CACNA2D3: variants seen among roughly 807,000 people sequenced by gnomAD.
CACNA2D3 encodes voltage-dependent calcium channel subunit alpha-2/delta-3.
Under a neutral mutation model 160.6 loss-of-function variants are expected in CACNA2D3, and 60 were observed. That is an observed-to-expected ratio of 0.37 (90% CI 0.30 to 0.46). The LOEUF (loss-of-function observed/expected upper bound fraction) is 0.46. Ranked by LOEUF, CACNA2D3 falls within the 20% of genes least tolerant of loss-of-function variation. The pLI, the probability that CACNA2D3 is intolerant of heterozygous loss-of-function variation, is 1.00. For synonymous variants in CACNA2D3, 558 were observed against 492.9 expected (o/e 1.13, Z -1.75); for missense variants, 1,205 against 1,365.0 (o/e 0.88, Z 1.85).
chr3:54,172,987 G>A (rs537211795), intron 2 of CACNA2D3, among the ~76,000 whole-genome samples: 1 of 152,294 alleles, frequency 6.6e-6, no homozygotes, highest in South Asian at 2.1e-4. Context: ...GCCCAGAACT[G>A]TCCCAGTTTT....
chr3:54,928,696 CCCCACACCCCA>C (rs1165504150), intron 27 of CACNA2D3, among the ~76,000 whole-genome samples: 1 of 151,980 alleles, frequency 6.6e-6, no homozygotes. Flanking sequence ...TGCTTGCTGC[CCCCACACCCCA>C]CCCACTCCCC....
At chr3:55,023,680 A>G (rs1703506853) in intron 35 of CACNA2D3, among the ~76,000 whole-genome samples, 1 of 152,096 alleles carries the variant, frequency 6.6e-6, no homozygotes, top group Non-Finnish European at 1.5e-5. Flanking sequence ...TCTCTTCACA[A>G]TATATTTGCA....
chr3:54,560,908 CCTCT>C (rs1702314145), intron 5 of CACNA2D3, among the ~76,000 whole-genome samples: 1 of 152,024 alleles, frequency 6.6e-6, no homozygotes, highest in Non-Finnish European at 1.5e-5. Context: ...TTATTTCTTT[CCTCT>C]CTATTTGGTT....
intron 27 of CACNA2D3, among the ~76,000 whole-genome samples, chr3:54,917,808 A>T (rs548414294): frequency 6.6e-6 from 1 of 152,058 alleles, no homozygotes; most frequent in Admixed American, 6.5e-5. Flanking sequence ...GAGTCCTATT[A>T]TCCGGACATG....
intron 24 of CACNA2D3, among the ~76,000 whole-genome samples, chr3:54,889,437 G>C (rs1474847043): frequency 6.6e-6 from 1 of 152,178 alleles, no homozygotes; most frequent in Non-Finnish European, 1.5e-5. Flanking sequence ...CTTGTGGCTT[G>C]CTTCAGAGGC....
At chr3:54,743,386 T>C (rs1701690616) in intron 11 of CACNA2D3, among the ~76,000 whole-genome samples, 1 of 151,918 alleles carries the variant, frequency 6.6e-6, no homozygotes. Flanking sequence ...CTCCAGGTAG[T>C]GGGAGAGGTG....
chr3:54,459,993 G>A (rs1575467128), intron 4 of CACNA2D3, among the ~76,000 whole-genome samples: 1 of 152,098 alleles, frequency 6.6e-6, no homozygotes, highest in East Asian at 1.9e-4. Context: ...TCTCCATATG[G>A]CTAGCCAGTT....
intron 13 of CACNA2D3, among the ~76,000 whole-genome samples, chr3:54,798,925 CT>C (rs1413782790): frequency 1.3e-5 from 2 of 152,228 alleles, no homozygotes; most frequent in Non-Finnish European, 2.9e-5. Context: ...TGCCTGAACT[CT>C]TCCTTAAACT....
chr3:54,303,823 T>TTGTTTTTTTTG (rs1339825616), intron 2 of CACNA2D3, among the ~76,000 whole-genome samples: 3 of 111,240 alleles, frequency 2.7e-5, no homozygotes, highest in Non-Finnish European at 5.9e-5. Flanking sequence ...TTTCTGTTTT[T>TTGTTTTTTTTG]TTTTTTTTTT....
intron 8 of CACNA2D3, among the ~76,000 whole-genome samples, chr3:54,578,589 C>T (rs986446189): frequency 6.6e-6 from 1 of 152,216 alleles, no homozygotes; most frequent in Non-Finnish European, 1.5e-5. Context: ...CATGGCTGAG[C>T]CCGGCTCCCT....
At chr3:54,196,413 A>G (rs895677498) in intron 2 of CACNA2D3, among the ~76,000 whole-genome samples, 1 of 152,186 alleles carries the variant, frequency 6.6e-6, no homozygotes, top group Non-Finnish European at 1.5e-5. Flanking sequence ...CACCTGATGG[A>G]TGGATCTTCA....
intron 13 of CACNA2D3, among the ~76,000 whole-genome samples, chr3:54,781,079 AAAT>A (rs1346147554): frequency 2.6e-5 from 4 of 152,288 alleles, no homozygotes; most frequent in African/African-American, 7.2e-5. Flanking sequence ...TTAAGGGTTA[AAAT>A]AATCTTAATT....
intron 4 of CACNA2D3, among the ~76,000 whole-genome samples, chr3:54,484,454 A>C (rs1037892678): frequency 2.0e-5 from 3 of 152,134 alleles, no homozygotes; most frequent in Non-Finnish European, 4.4e-5. Context: ...GATGGAAAAG[A>C]CATTAGGAAA....
intron 3 of CACNA2D3, among the ~76,000 whole-genome samples, chr3:54,376,555 A>G (rs1182906085): frequency 6.6e-6 from 1 of 152,162 alleles, no homozygotes; most frequent in African/African-American, 2.4e-5. Context: ...AATTGCTGTT[A>G]TCATCTTGTG....
At chr3:54,239,268 T>C in intron 2 of CACNA2D3, among the ~76,000 whole-genome samples, 1 of 152,188 alleles carries the variant, frequency 6.6e-6, no homozygotes, top group South Asian at 2.1e-4. Flanking sequence ...TTCAACTCTG[T>C]AAGCAAGAAT....
intron 2 of CACNA2D3, among the ~76,000 whole-genome samples, chr3:54,223,680 C>T (rs1701616099): frequency 6.6e-6 from 1 of 151,742 alleles, no homozygotes; most frequent in African/African-American, 2.4e-5. Flanking sequence ...ATGGTGAAAC[C>T]CCGTCTCTAC....
intron 23 of CACNA2D3, among the ~76,000 whole-genome samples, chr3:54,886,517 C>G (rs1359286654): frequency 6.6e-6 from 1 of 150,552 alleles, no homozygotes; most frequent in Non-Finnish European, 1.5e-5. Flanking sequence ...ACTCCAGGTG[C>G]TTTTTAAGGA....
chr3:54,872,076 T>G (rs1559611796), intron 18 of CACNA2D3, among the ~76,000 whole-genome samples: 1 of 152,172 alleles, frequency 6.6e-6, no homozygotes, highest in Non-Finnish European at 1.5e-5. Flanking sequence ...GTTTTCAGAG[T>G]ACAGCCCAGG....
intron 13 of CACNA2D3, among the ~76,000 whole-genome samples, chr3:54,807,103 A>G (rs1304298897): frequency 6.6e-6 from 1 of 152,232 alleles, no homozygotes. Flanking sequence ...TAAAAACCCT[A>G]GAAGAAAACC....
Sources: allele counts gnomAD v4.1 joint callset (sites outside exome capture counted in the v4.1 genomes callset), GRCh38; gene constraint gnomAD v4.1.1; transcripts MANE v1.5; gene names NCBI Gene and HGNC (gene_info 2026-07-23, HGNC 2026-07-21).